The following SORCS3 variants were observed in gnomAD, a reference collection of about 807,000 sequenced individuals.
SORCS3 encodes sortilin related VPS10 domain containing receptor 3.
In SORCS3, 57 loss-of-function variants were observed where a neutral mutation model predicts 146.3. The ratio of observed to expected loss-of-function variants is 0.39; its 90% CI spans 0.31 to 0.49. The LOEUF (loss-of-function observed/expected upper bound fraction) is 0.49. Ranked by LOEUF, SORCS3 falls within the 20% of genes least tolerant of loss-of-function variation. The pLI, the probability that SORCS3 is intolerant of heterozygous loss-of-function variation, is 0.92. For synonymous variants in SORCS3, 653 were observed against 618.5 expected, an observed-to-expected ratio of 1.06 and a Z score of -0.83; for missense variants, 1,341 against 1,575.5, an observed-to-expected ratio of 0.85 and a Z score of 2.52.
chr10:105,006,334 A>G (rs1229962971), intron 4 of SORCS3, among the ~76,000 whole-genome samples: 1 of 152,050 alleles, frequency 6.6e-6, no homozygotes, highest in Non-Finnish European at 1.5e-5. Flanking sequence ...AATTGTCTTG[A>G]CCTACTTTTA....
At chr10:104,767,731 C>T (rs548162512) in intron 1 of SORCS3, among the ~76,000 whole-genome samples, 1 of 141,688 alleles carries the variant, frequency 7.1e-6, no homozygotes, top group Non-Finnish European at 1.5e-5. Context: ...CTCCCCTCCC[C>T]TTTCCTCTCC....
intron 4 of SORCS3, among the ~76,000 whole-genome samples, chr10:104,988,676 A>T (rs1032504253): frequency 2.6e-5 from 4 of 152,198 alleles, no homozygotes; most frequent in Admixed American, 2.6e-4. Context: ...ATGGTAATGA[A>T]GAGAGAAGTT....
chr10:105,125,388 A>G (rs2055966191), intron 7 of SORCS3, among the ~76,000 whole-genome samples: 1 of 152,162 alleles, frequency 6.6e-6, no homozygotes, highest in Admixed American at 6.6e-5. Flanking sequence ...TGGTAAGTAC[A>G]ACTCTTCTGT....
chr10:104,900,405 G>A (rs2018839537), intron 2 of SORCS3, among the ~76,000 whole-genome samples: 1 of 152,136 alleles, frequency 6.6e-6, no homozygotes, highest in African/African-American at 2.4e-5. Context: ...TTCCTGACAA[G>A]TCTTTCTACC....
chr10:104,892,183 AC>A (rs2018755528), intron 2 of SORCS3, among the ~76,000 whole-genome samples: 1 of 152,206 alleles, frequency 6.6e-6, no homozygotes, highest in Non-Finnish European at 1.5e-5. Flanking sequence ...TTGTTAGGAA[AC>A]CTAGATTGTA....
intron 2 of SORCS3, among the ~76,000 whole-genome samples, chr10:104,852,778 C>A (rs192454777): frequency 6.6e-6 from 1 of 152,132 alleles, no homozygotes; most frequent in Admixed American, 6.6e-5. Flanking sequence ...TTTATAATGA[C>A]GACCATAAAG....
Position 105,263,365 on chromosome 10 carries a change from T to A in SORCS3, c.3660T>A (p.Thr1220=). 1.2e-6 allele frequency: 2 copies of A among 1,614,070 alleles called. No homozygotes were observed. The highest frequency in any genetic ancestry group is 1.7e-6 in the Non-Finnish European group (2 of 1,179,936). The part of the protein sequence containing the change: ...SESTKEIPNC[T]SV Reference sequence around the variant, plus strand: ...GCACAAAGGAGATCCCCAACTGCACTAGTGTTTAATACCAGCAAGCCACGT... The same window carrying A: ...GCACAAAGGAGATCCCCAACTGCACAAGTGTTTAATACCAGCAAGCCACGT... The change falls in exon 27 of 27, where the codon ACT becomes ACA. Residue 1220 remains threonine, a synonymous_variant. Transcript: ENST00000369701.
intron 3 of SORCS3, among the ~76,000 whole-genome samples, chr10:104,937,464 G>T (rs1351966567): frequency 2.6e-5 from 4 of 152,014 alleles, no homozygotes; most frequent in Non-Finnish European, 5.9e-5. Context: ...TAAAATCTAA[G>T]TTTTATTTTA....
At chr10:105,087,231 T>A (rs1421190292) in intron 5 of SORCS3, among the ~76,000 whole-genome samples, 2 of 152,144 alleles carry the variant, frequency 1.3e-5, no homozygotes, top group African/African-American at 4.8e-5. Flanking sequence ...GAAGATCAGA[T>A]GGATGTAGAT....
Position 105,157,241 on chromosome 10 carries a change from C to T in SORCS3, c.1586C>T (p.Ala529Val). The T allele has an allele frequency of 2.5e-6, 4 of 1,614,098 alleles. No individual in the cohort carries two copies. The highest frequency in any genetic ancestry group is 3.4e-6 in the Non-Finnish European group (4 of 1,179,970). The change falls in exon 10 of 27, where the codon GCT (alanine) becomes GTT (valine). Residue 529 changes from alanine to valine, a missense_variant. Coordinates refer to ENST00000369701, the MANE Select transcript of SORCS3 (RefSeq NM_014978.3). ...GGCAGGGATTGGCGCCTGCTGCAAG[C>T]TCCGGATGTGGACCTGAGAGGAAGC... is the stretch of plus-strand genomic sequence containing the variant. ...NKGRDWRLLQ[A>V]PDVDLRGSPV... is the part of the protein sequence containing the mutation.
At chr10:105,030,526 AACAAGG>A (rs2055258432) in intron 4 of SORCS3, among the ~76,000 whole-genome samples, 1 of 152,182 alleles carries the variant, frequency 6.6e-6, no homozygotes, top group Non-Finnish European at 1.5e-5. Context: ...CAAAACAAGG[AACAAGG>A]ACAATCTAGA....
chr10:105,189,390 C>T (rs1028623879), intron 14 of SORCS3, among the ~76,000 whole-genome samples: 4 of 152,148 alleles, frequency 2.6e-5, no homozygotes, highest in Non-Finnish European at 5.9e-5. Flanking sequence ...CACGTCTTAG[C>T]ACATCAAAGA....
chr10:104,771,033 A>C (rs916007259), intron 1 of SORCS3, among the ~76,000 whole-genome samples: 3 of 152,152 alleles, frequency 2.0e-5, no homozygotes, highest in African/African-American at 7.2e-5. Flanking sequence ...AGTTCATCTC[A>C]GTTCAGACTG....
intron 11 of SORCS3, among the ~76,000 whole-genome samples, chr10:105,162,651 G>C (rs2056275288): frequency 6.6e-6 from 1 of 152,164 alleles, no homozygotes; most frequent in African/African-American, 2.4e-5. Context: ...TCCACAAATA[G>C]AGTTCACTGT....
chr10:104,856,795 A>T (rs1468155706), intron 2 of SORCS3, among the ~76,000 whole-genome samples: 1 of 145,072 alleles, frequency 6.9e-6, no homozygotes, highest in East Asian at 2.0e-4. Context: ...ATTAGTATAT[A>T]TAAATATATA....
At chr10:105,069,485 T>C (rs1005326599) in intron 5 of SORCS3, among the ~76,000 whole-genome samples, 4 of 152,188 alleles carry the variant, frequency 2.6e-5, no homozygotes, top group African/African-American at 9.7e-5. Context: ...ATCTACCTCA[T>C]AGAGTTGCTG....
intron 20 of SORCS3, among the ~76,000 whole-genome samples, chr10:105,236,294 C>T (rs2056792624): frequency 6.6e-6 from 1 of 152,124 alleles, no homozygotes; most frequent in Non-Finnish European, 1.5e-5. Flanking sequence ...TCCCATTTAT[C>T]ATGCACTCTC....
At chr10:104,912,618 G>A (rs766626093) in intron 2 of SORCS3, among the ~76,000 whole-genome samples, 6 of 152,190 alleles carry the variant, frequency 3.9e-5, no homozygotes, top group Non-Finnish European at 7.3e-5. Flanking sequence ...AGTAGGTTTG[G>A]ACAATCTCAT....
chr10:104,689,659 G>A (rs977014115), intron 1 of SORCS3, among the ~76,000 whole-genome samples: 2 of 152,044 alleles, frequency 1.3e-5, no homozygotes, highest in African/African-American at 4.8e-5. Flanking sequence ...ATTACAACTT[G>A]ACCTTTTTTT....
Sources: gnomAD v4.1 joint callset for allele counts (sites outside exome capture counted in the v4.1 genomes callset) on GRCh38, gnomAD v4.1.1 for gene constraint, MANE v1.5 for transcripts, NCBI Gene and HGNC (gene_info 2026-07-23, HGNC 2026-07-21) for gene names.